The following PRKCH variants were observed in gnomAD, a reference collection of about 807,000 sequenced individuals.
PRKCH encodes the protein protein kinase C eta, also known as protein kinase C eta type.
Under a neutral mutation model 82.5 loss-of-function variants are expected in PRKCH, and 28 were observed. That is an observed-to-expected ratio of 0.34 (90% CI 0.25 to 0.47). The LOEUF is 0.47. Ranked by LOEUF, PRKCH falls within the 20% of genes least tolerant of loss-of-function variation. The probability of loss-of-function intolerance (pLI) is 1.00; values close to 1 mark genes in which losing one functional copy is unlikely to be tolerated. For missense variants in PRKCH, 705 were observed against 881.8 expected, an observed-to-expected ratio of 0.80 and a Z score of 2.54; for synonymous variants, 322 against 327.4, an observed-to-expected ratio of 0.98 and a Z score of 0.18.
At chr14:61,276,150 T>G (rs539142796) in intron 1 of PRKCH, among the ~76,000 whole-genome samples, 1 of 152,160 alleles carries the variant, frequency 6.6e-6, no homozygotes, top group Non-Finnish European at 1.5e-5. Context: ...TTCAGGTTCA[T>G]GAAGACCTTC....
At chr14:61,543,192 C>T (rs1046798119) in intron 12 of PRKCH, among the ~76,000 whole-genome samples, 1 of 152,198 alleles carries the variant, frequency 6.6e-6, no homozygotes, top group African/African-American at 2.4e-5. Flanking sequence ...CAAACTTGGC[C>T]CAAATCCTTT....
chr14:61,451,185 T>A (rs1255993973), intron 6 of PRKCH, among the ~76,000 whole-genome samples: 6 of 152,204 alleles, frequency 3.9e-5, no homozygotes, highest in Admixed American at 3.9e-4. Flanking sequence ...GGACATTAAG[T>A]CAAATGGTAT....
At chr14:61,521,996 C>T (rs967179055) in intron 10 of PRKCH, among the ~76,000 whole-genome samples, 2 of 152,180 alleles carry the variant, frequency 1.3e-5, no homozygotes, top group Non-Finnish European at 2.9e-5. Context: ...AAATTTATAG[C>T]TCCGAACCAG....
At chr14:61,286,669 G>A (rs1428713729) in intron 1 of PRKCH, among the ~76,000 whole-genome samples, 1 of 152,088 alleles carries the variant, frequency 6.6e-6, no homozygotes, top group African/African-American at 2.4e-5. Flanking sequence ...CCAGCTACTC[G>A]GGAGGCTGAG....
chr14:61,542,146 C>T (rs753529177), intron 12 of PRKCH, among the ~76,000 whole-genome samples: 2 of 151,940 alleles, frequency 1.3e-5, no homozygotes, highest in African/African-American at 2.4e-5. Context: ...AAAAATTAGT[C>T]GGGCGTGGTG....
intron 7 of PRKCH, 138 bp downstream of exon 7, chr14:61,453,491 T>C (rs1396229079): frequency 1.3e-6 from 1 of 797,412 alleles, no homozygotes; most frequent in Non-Finnish European, 1.8e-6. Flanking sequence ...TTTCTTTCTT[T>C]CTTTCTCTTT....
chr14:61,535,868 C>T (rs1453734663), intron 12 of PRKCH, among the ~76,000 whole-genome samples: 1 of 152,214 alleles, frequency 6.6e-6, no homozygotes, highest in Non-Finnish European at 1.5e-5. Flanking sequence ...GTGTCAGTAA[C>T]CATCAAGGCT....
intron 1 of PRKCH, among the ~76,000 whole-genome samples, chr14:61,223,179 G>A (rs2044668819): frequency 6.6e-6 from 1 of 152,106 alleles, no homozygotes; most frequent in Admixed American, 6.5e-5. Context: ...CCATTTAAAC[G>A]GCTTCAACCC....
rs78453212 is a variant in PRKCH, at chr14:61,454,844, T to G, written c.960+1491T>G. ...AGAGATGGGAAATAGCCATGTAAGA[T>G]CTGAACGGTGTAGCTTGGTGTCCAG... On this transcript the variant is annotated intron_variant, in intron 7 of 13. Transcript: ENST00000332981. Among the ~76,000 whole-genome samples the G allele has an allele frequency of 7.9e-3, 1,208 of 152,270 alleles. 12 individuals carry two copies. The highest frequency in any genetic ancestry group is 0.01 in the Non-Finnish European group (693 of 68,020).
At chr14:61,272,871 C>T (rs573394266) in intron 1 of PRKCH, among the ~76,000 whole-genome samples, 39 of 152,204 alleles carry the variant, frequency 2.6e-4, no homozygotes, top group African/African-American at 8.9e-4. Flanking sequence ...TTACTCAGGG[C>T]GGGACTCTCT....
intron 1 of PRKCH, among the ~76,000 whole-genome samples, chr14:61,289,403 T>C (rs2140097764): frequency 6.6e-6 from 1 of 152,262 alleles, no homozygotes; most frequent in East Asian, 1.9e-4. Flanking sequence ...TACATGAGGG[T>C]CATTACCAAG....
intron 1 of PRKCH, among the ~76,000 whole-genome samples, chr14:61,203,424 A>C (rs1205731569): frequency 6.6e-6 from 1 of 152,162 alleles, no homozygotes; most frequent in Non-Finnish European, 1.5e-5. Context: ...TAATGCCAGG[A>C]AACATCTCAG....
chr14:61,272,829 C>G (rs948597724), intron 1 of PRKCH, among the ~76,000 whole-genome samples: 75 of 152,304 alleles, frequency 4.9e-4, no homozygotes, highest in African/African-American at 1.8e-3. Flanking sequence ...TTGCTTTCAA[C>G]TATCAGAGGT....
At chr14:61,194,678 C>T (rs2044429360) in intron 1 of PRKCH, among the ~76,000 whole-genome samples, 1 of 152,182 alleles carries the variant, frequency 6.6e-6, no homozygotes, top group South Asian at 2.1e-4. Context: ...TTATTGTTGT[C>T]ATATATTTTG....
At chr14:61,228,813 G>T (rs2044717565) in intron 1 of PRKCH, among the ~76,000 whole-genome samples, 1 of 152,068 alleles carries the variant, frequency 6.6e-6, no homozygotes, top group Non-Finnish European at 1.5e-5. Flanking sequence ...GGCCAAAGCA[G>T]GAGGATTGCT....
At chr14:61,216,179 T>C (rs913951637) in intron 1 of PRKCH, among the ~76,000 whole-genome samples, 3 of 152,046 alleles carry the variant, frequency 2.0e-5, no homozygotes, top group Non-Finnish European at 4.4e-5. Context: ...AATTAAAAAA[T>C]TGGGGCCGGG....
chr14:61,481,952 C>T (rs897941837), intron 9 of PRKCH, among the ~76,000 whole-genome samples: 7 of 151,694 alleles, frequency 4.6e-5, no homozygotes, highest in Non-Finnish European at 8.8e-5. Flanking sequence ...CACCCCACCA[C>T]CCACCACCTG....
In PRKCH at chr14:61,511,450, C is replaced by CA. The variant is rs532347584; in HGVS notation, c.1434-17624dup. ...TAGGAGTCAGATTGGGGCAGCCCCC[C>CA]ACCCAGAACTGCCAGAGCCTCTCGG... On this transcript the variant is annotated intron_variant, in intron 10 of 13. Transcript: ENST00000332981. 2.0e-4 allele frequency among the ~76,000 whole-genome samples: 31 copies of CA among 152,290 alleles called. 1 individual carries two copies. Among genetic ancestry groups the CA allele is most frequent in the African/African-American group, 6.7e-4 (28 of 41,550 alleles).
At chr14:61,246,191 A>G (rs1015723624) in intron 1 of PRKCH, among the ~76,000 whole-genome samples, 1 of 150,944 alleles carries the variant, frequency 6.6e-6, no homozygotes, top group African/African-American at 2.4e-5. Context: ...GGATCACCTG[A>G]GGTCAGGAGT....
Sources: gnomAD v4.1 joint callset for allele counts (sites outside exome capture counted in the v4.1 genomes callset) on GRCh38, gnomAD v4.1.1 for gene constraint, MANE v1.5 for transcripts, NCBI Gene and HGNC (gene_info 2026-07-23, HGNC 2026-07-21) for gene names.